The following CNTN6 variants were observed in gnomAD, a reference collection of about 807,000 sequenced individuals.
CNTN6 encodes contactin 6.
CNTN6 carries 137 observed loss-of-function variants against 122.8 expected under a neutral mutation model. The observed-to-expected ratio is 1.12, with a 90% confidence interval of 0.97 to 1.29. The LOEUF is 1.29. CNTN6 is among the 50% of genes most tolerant of loss of function. CNTN6 has a pLI of 0.00. For missense variants in CNTN6, 1,634 were observed against 1,223.4 expected (o/e 1.34, Z -5.01); for synonymous variants, 570 against 426.0 (o/e 1.34, Z -4.16).
intron 11 of CNTN6, among the ~76,000 whole-genome samples, chr3:1,344,804 A>G (rs1349277745): frequency 1.3e-5 from 2 of 152,102 alleles, no homozygotes; most frequent in African/African-American, 2.4e-5. Flanking sequence ...GAATTTTTTG[A>G]TATGTGTTTC....
chr3:1,113,218 A>G (rs1357176395), intron 1 of CNTN6, among the ~76,000 whole-genome samples: 1 of 152,214 alleles, frequency 6.6e-6, no homozygotes, highest in Non-Finnish European at 1.5e-5. Flanking sequence ...GACTTTTAGA[A>G]TAATTAACAC....
At chr3:1,382,363 T>TAAC (rs1024914550) in intron 17 of CNTN6, among the ~76,000 whole-genome samples, 1 of 152,216 alleles carries the variant, frequency 6.6e-6, no homozygotes, top group African/African-American at 2.4e-5. Flanking sequence ...TTGTGAGAGT[T>TAAC]AACAGTTTAT....
intron 1 of CNTN6, among the ~76,000 whole-genome samples, chr3:1,112,584 C>T (rs1315800441): frequency 6.6e-6 from 1 of 152,074 alleles, no homozygotes; most frequent in Non-Finnish European, 1.5e-5. Context: ...CCATCCAGGC[C>T]CCCAGCTGAT....
At chr3:1,239,596 G>A (rs1320672344) in intron 4 of CNTN6, among the ~76,000 whole-genome samples, 1 of 152,106 alleles carries the variant, frequency 6.6e-6, no homozygotes, top group Non-Finnish European at 1.5e-5. Flanking sequence ...TGACCACACT[G>A]CCAAAAGCAA....
chr3:1,152,124 ATATTTGTT>A (rs201115930), intron 2 of CNTN6, among the ~76,000 whole-genome samples: 5,487 of 151,658 alleles, frequency 0.036, 340 homozygotes, highest in African/African-American at 0.12. Context: ...ATTTATTTAT[ATATTTGTT>A]TGTTTGTTTG....
At chr3:1,294,437 G>GA (rs1407594514) in intron 5 of CNTN6, among the ~76,000 whole-genome samples, 2 of 152,054 alleles carry the variant, frequency 1.3e-5, no homozygotes, top group African/African-American at 4.8e-5. Flanking sequence ...TGCAGCAGTA[G>GA]AAAAAAACAG....
At chr3:1,348,157 C>CAAGAAAAAAAAAAAA (rs1705039981) in intron 11 of CNTN6, among the ~76,000 whole-genome samples, 1 of 64,302 alleles carries the variant, frequency 1.6e-5, no homozygotes, top group Non-Finnish European at 2.8e-5. Context: ...ATGCTATAGA[C>CAAGAAAAAAAAAAAA]AAAAAAAAAA....
At chr3:1,112,850 G>T (rs1354458041) in intron 1 of CNTN6, among the ~76,000 whole-genome samples, 1 of 152,080 alleles carries the variant, frequency 6.6e-6, no homozygotes, top group Non-Finnish European at 1.5e-5. Context: ...TATTCAAAAG[G>T]CCATAGCATT....
intron 12 of CNTN6, among the ~76,000 whole-genome samples, chr3:1,364,109 A>T (rs531582439): frequency 6.6e-6 from 1 of 151,974 alleles, no homozygotes; most frequent in Non-Finnish European, 1.5e-5. Context: ...AAAACCATGT[A>T]TATAGAGGAA....
At chr3:1,386,148 C>CCTATA (rs1214462655) in intron 20 of CNTN6, among the ~76,000 whole-genome samples, 3 of 152,080 alleles carry the variant, frequency 2.0e-5, no homozygotes, top group African/African-American at 4.8e-5. Flanking sequence ...CAGTTGCCTA[C>CCTATA]CTATAAAATG....
chr3:1,321,961 T>C (rs1700924232), intron 8 of CNTN6, 127 bp downstream of exon 8: 1 of 752,906 alleles, frequency 1.3e-6, no homozygotes, highest in African/African-American at 1.8e-5. Flanking sequence ...TTTCCGGGTT[T>C]AGATGCTTAA....
intron 4 of CNTN6, among the ~76,000 whole-genome samples, chr3:1,253,168 C>G (rs1281867343): frequency 1.3e-5 from 2 of 152,274 alleles, no homozygotes; most frequent in South Asian, 4.1e-4. Context: ...CATCAGAGGA[C>G]TTGTATATTT....
At position 1,312,633 on chromosome 3, in the gene CNTN6, A is replaced by T. The variant is rs1018951573; in HGVS notation, c.762-9017A>T. 3.4e-5 allele frequency among the ~76,000 whole-genome samples: 5 copies of T among 147,774 alleles called. No individual in the cohort carries two copies. The East Asian group carries it at 9.9e-4, about 29-fold the overall frequency. On this transcript the variant is annotated intron_variant, in intron 7 of 22. Transcript: ENST00000446702. The stretch of plus-strand genomic sequence containing the variant: ...CTTATACAAAAAAAAAAAAAAAAGC[A>T]TCTATTGACTGGTTGCAAGACACAT...
At chr3:1,280,365 T>A (rs1693155992) in intron 5 of CNTN6, among the ~76,000 whole-genome samples, 1 of 151,474 alleles carries the variant, frequency 6.6e-6, no homozygotes, top group Non-Finnish European at 1.5e-5. Flanking sequence ...GCCATAAAAT[T>A]AAGTCACACA....
intron 1 of CNTN6, among the ~76,000 whole-genome samples, chr3:1,147,537 A>G (rs546160204): frequency 6.0e-4 from 91 of 152,192 alleles, no homozygotes; most frequent in Non-Finnish European, 1.1e-3. Context: ...TCTTGATTTC[A>G]TTTATCACTG....
chr3:1,281,657 G>A (rs955595402), intron 5 of CNTN6, among the ~76,000 whole-genome samples: 6 of 152,094 alleles, frequency 3.9e-5, no homozygotes, highest in Admixed American at 2.0e-4. Context: ...TAGAGGCGGG[G>A]TTTCACTTCT....
chr3:1,300,750 C>G (rs1261964958), intron 7 of CNTN6, among the ~76,000 whole-genome samples: 4 of 151,982 alleles, frequency 2.6e-5, no homozygotes, highest in Non-Finnish European at 4.4e-5. Flanking sequence ...ATCATATACT[C>G]TATCTGAATT....
chr3:1,351,707 AT>A lies in CNTN6; in HGVS notation c.1365-615del, dbSNP rs1705667923. 2.6e-5 allele frequency among the ~76,000 whole-genome samples: 4 copies of A among 151,878 alleles called. No individual in the cohort carries two copies. In the South Asian group the frequency reaches 8.3e-4, roughly 31 times the overall value. ...CTCTCTTTTAGGAATATTAATATTAATTCATAATTAACCCATGAAGCCTTAT... is the reference window on the plus strand; with the variant it reads ...CTCTCTTTTAGGAATATTAATATTAATCATAATTAACCCATGAAGCCTTAT... On this transcript the variant is annotated intron_variant, in intron 11 of 22. Transcript: ENST00000446702.
chr3:1,223,737 G>A (rs1425715480), intron 3 of CNTN6, among the ~76,000 whole-genome samples: 1 of 152,066 alleles, frequency 6.6e-6, no homozygotes, highest in Non-Finnish European at 1.5e-5. Context: ...TCTCTACCTG[G>A]TCACCAGAGG....
Sources: gnomAD v4.1 joint callset for allele counts (sites outside exome capture counted in the v4.1 genomes callset) on GRCh38, gnomAD v4.1.1 for gene constraint, MANE v1.5 for transcripts, NCBI Gene and HGNC (gene_info 2026-07-23, HGNC 2026-07-21) for gene names.